SLC4A5: variants seen among roughly 807,000 people sequenced by gnomAD.
SLC4A5 encodes the protein solute carrier family 4 member 5.
Under a neutral mutation model 120.4 loss-of-function variants are expected in SLC4A5, and 96 were observed. That is an observed-to-expected ratio of 0.80 (90% confidence interval 0.68 to 0.94). The LOEUF (loss-of-function observed/expected upper bound fraction) is 0.94, where lower values mean the gene tolerates loss of function less well. SLC4A5 is among the 40% of genes least tolerant of loss of function. The probability of loss-of-function intolerance (pLI) is 0.00; values close to 1 mark genes in which losing one functional copy is unlikely to be tolerated. For synonymous variants in SLC4A5, 550 were observed against 571.1 expected, an observed-to-expected ratio of 0.96 and a Z score of 0.53; for missense variants, 1,259 against 1,459.5, an observed-to-expected ratio of 0.86 and a Z score of 2.24.
chr2:74,266,157 A>C (rs891754961), intron 8 of SLC4A5, among the ~76,000 whole-genome samples: 1 of 152,246 alleles, frequency 6.6e-6, no homozygotes, highest in Non-Finnish European at 1.5e-5. Context: ...GCCTTAGCAC[A>C]TATAGAAACT....
rs1670956325 is a variant in SLC4A5, at chr2:74,256,072, C to T, written c.868-140G>A. The T allele has an allele frequency of 2.3e-5, 21 of 912,278 alleles. No homozygotes were observed. The East Asian group carries it at 5.6e-4, about 24-fold the overall frequency. 56.5% of individuals were successfully genotyped at this position (912,278 alleles called of 1,614,324 possible). The stretch of plus-strand genomic sequence containing the variant: ...AAGAGACTGAAAGAATAAATAAGTA[C>T]TCCTCCGATTCTGCAGATGGGGAGA... On this transcript the variant is annotated intron_variant, in intron 12 of 30. Transcript: ENST00000394019.
exon 8 of SLC4A5, chr2:74,285,798 G>C: frequency 6.2e-7 from 1 of 1,611,768 alleles, no homozygotes; most frequent in Non-Finnish European, 8.5e-7. Flanking sequence ...CACTCCATCT[G>C]GTCTCCGTCA....
chr2:74,241,172 G>A (rs754694916), intron 20 of SLC4A5, among the ~76,000 whole-genome samples: 3 of 151,940 alleles, frequency 2.0e-5, no homozygotes, highest in Non-Finnish European at 4.4e-5. Flanking sequence ...AAAATGAATG[G>A]CAGGCTTTGC....
At chr2:74,236,031 T>C (rs1428469731) in intron 21 of SLC4A5, among the ~76,000 whole-genome samples, 1 of 152,236 alleles carries the variant, frequency 6.6e-6, no homozygotes, top group African/African-American at 2.4e-5. Context: ...TTTAAATTTG[T>C]TATTAACATA....
rs906121933 is a variant in SLC4A5 at position 74,222,859 on chromosome 2, TTTAC to T, written c.3331+5_3331+8del. 6.2e-7 allele frequency: 1 copy of T among 1,604,574 alleles called. No individual in the cohort carries two copies. Among genetic ancestry groups the T allele is most frequent in the African/African-American group, 1.3e-5 (1 of 74,674 alleles). ...GTAAGAAGGGAGAGACATCATGTGT[TTTAC>T]TTACTGGCAATGCAGTGGATACCGT... is the stretch of plus-strand genomic sequence containing the variant. On this transcript the variant is annotated splice_donor_5th_base_variant and intron_variant, in intron 29 of 30. Coordinates refer to ENST00000394019, the Ensembl canonical transcript of SLC4A5.
chr2:74,236,698 C>T (rs756163182), intron 21 of SLC4A5, among the ~76,000 whole-genome samples: 1 of 152,184 alleles, frequency 6.6e-6, no homozygotes, highest in Non-Finnish European at 1.5e-5. Context: ...CTAGCATATA[C>T]ATCAAAACCA....
Position 74,304,552 on chromosome 2 carries a change from GTTCCT to G in SLC4A5, c.203_207del (p.Gln68ProfsTer27). The G allele has an allele frequency of 6.2e-7, 1 of 1,614,198 alleles. No individual in the cohort carries two copies. Among genetic ancestry groups the G allele is most frequent in the South Asian group, 1.1e-5 (1 of 91,076 alleles). ...CTTGCCCCACTCCCTGGGCCAGTCA[GTTCCT>G]GCTGTGGCTGGTCTGGCCGCAGGCC... On this transcript the variant is annotated frameshift_variant, in exon 7 of 31. Transcript: ENST00000394019. LOFTEE classifies it high-confidence loss of function.
Position 74,259,574 on chromosome 2 carries a change from AG to A in SLC4A5, c.867+13del. The A allele has an allele frequency of 1.2e-6, 2 of 1,614,070 alleles. No homozygotes were observed. Among genetic ancestry groups the A allele is most frequent in the Non-Finnish European group, 1.7e-6 (2 of 1,179,888 alleles). On this transcript the variant is annotated intron_variant, in intron 12 of 30. Coordinates refer to ENST00000394019, the Ensembl canonical transcript of SLC4A5. ...CTGGCCCTCCATTGCAGCTAAGTGC[AG>A]GGGTTTTACTACCTGGTCTGTGTTT...
At chr2:74,259,910 A>G (rs1671081937) in intron 11 of SLC4A5, among the ~76,000 whole-genome samples, 1 of 151,906 alleles carries the variant, frequency 6.6e-6, no homozygotes, top group African/African-American at 2.4e-5. Context: ...CTCCACCCCA[A>G]CGTCTTGGAT....
intron 12 of SLC4A5, among the ~76,000 whole-genome samples, chr2:74,258,531 A>G (rs1271754443): frequency 6.6e-6 from 1 of 152,230 alleles, no homozygotes; most frequent in Admixed American, 6.5e-5. Flanking sequence ...TCTCCAAATA[A>G]TGTTCCAGAA....
intron 3 of SLC4A5, among the ~76,000 whole-genome samples, chr2:74,336,744 T>A (rs1421618425): frequency 6.6e-6 from 1 of 152,152 alleles, no homozygotes; most frequent in Non-Finnish European, 1.5e-5. Flanking sequence ...TCATAATAGT[T>A]AAAACAGGAA....
chr2:74,304,725 A>G, intron 6 of SLC4A5, 45 bp from the exon 7 acceptor site: 1 of 1,559,692 alleles, frequency 6.4e-7, no homozygotes, highest in Non-Finnish European at 8.7e-7. Flanking sequence ...GTTACTGAAA[A>G]TTGGCATTTT....
At chr2:74,245,040 G>T (rs1294622181) in intron 19 of SLC4A5, among the ~76,000 whole-genome samples, 1 of 152,178 alleles carries the variant, frequency 6.6e-6, no homozygotes, top group Non-Finnish European at 1.5e-5. Context: ...GGCCAAAGTG[G>T]CCAGGCACGG....
intron 6 of SLC4A5, chr2:74,307,524 A>C (rs767630649): frequency 5.2e-5 from 32 of 618,080 alleles, no homozygotes; most frequent in Non-Finnish European, 9.2e-5. Context: ...GTTGACTCTA[A>C]AGTCATTGGC....
intron 12 of SLC4A5, among the ~76,000 whole-genome samples, chr2:74,257,191 G>A (rs1160094351): frequency 1.3e-5 from 2 of 151,962 alleles, no homozygotes; most frequent in East Asian, 1.9e-4. Context: ...CTACCAGCAC[G>A]AGGAGGGGCT....
At chr2:74,227,262 G>A (rs1031480784) in intron 26 of SLC4A5, 132 bp from the exon 27 acceptor site, 35 of 1,089,868 alleles carry the variant, frequency 3.2e-5, no homozygotes, top group East Asian at 5.2e-5. Context: ...AAGGATGCAC[G>A]GGAGGGGGGC....
chr2:74,254,817 A>T lies in SLC4A5; in HGVS notation c.1026-111T>A, dbSNP rs866429600. On this transcript the variant is annotated intron_variant, in intron 13 of 30. Coordinates refer to ENST00000394019, the Ensembl canonical transcript of SLC4A5. ...AATTCTCTGGCCCTGAACAGTATGC[A>T]TTTTTTTTTTTTTTTTGAGACAGGG... The T allele has an allele frequency of 8.9e-5, 54 of 606,044 alleles. No homozygotes were observed. The South Asian group carries it at 9.4e-4, about 10-fold the overall frequency. 37.5% of individuals were successfully genotyped at this position (606,044 alleles called of 1,614,324 possible).
chr2:74,297,657 A>AT (rs546423673), intron 7 of SLC4A5, among the ~76,000 whole-genome samples: 5 of 152,198 alleles, frequency 3.3e-5, no homozygotes, highest in African/African-American at 4.8e-5. Flanking sequence ...CAGAAAACAC[A>AT]TTTTTTCCCC....
chr2:74,325,829 A>G (rs1013739214), intron 5 of SLC4A5, among the ~76,000 whole-genome samples: 4 of 143,048 alleles, frequency 2.8e-5, no homozygotes, highest in Non-Finnish European at 4.6e-5. Context: ...TCTCAAACCT[A>G]AGGAAAGAAG....
Sources: gnomAD v4.1 joint callset for allele counts (sites outside exome capture counted in the v4.1 genomes callset) on GRCh38, gnomAD v4.1.1 for gene constraint, MANE v1.5 for transcripts, NCBI Gene and HGNC (gene_info 2026-07-23, HGNC 2026-07-21) for gene names.